TMTC3: variants seen among roughly 807,000 people sequenced by gnomAD.
The protein encoded by TMTC3 is transmembrane O-mannosyltransferase targeting cadherins 3.
Under a neutral mutation model 92.2 loss-of-function variants are expected in TMTC3, and 52 were observed. The ratio of observed to expected loss-of-function variants is 0.56; its 90% confidence interval spans 0.45 to 0.71. The LOEUF (loss-of-function observed/expected upper bound fraction) is 0.71, where lower values mean the gene tolerates loss of function less well. Among genes scored for constraint, TMTC3 ranks in the 30% least tolerant of loss-of-function variants. The pLI, the probability that TMTC3 is intolerant of heterozygous loss-of-function variation, is 0.00. For synonymous variants in TMTC3, 339 were observed against 363.3 expected (o/e 0.93, Z 0.76); for missense variants, 896 against 1,057.1 (o/e 0.85, Z 2.11).
intron 13 of TMTC3, among the ~76,000 whole-genome samples, chr12:88,193,582 C>T (rs2041468129): frequency 6.6e-6 from 1 of 152,054 alleles, no homozygotes; most frequent in South Asian, 2.1e-4. Context: ...TTGCATTTGC[C>T]AGTCTTCTAT....
At chr12:88,190,326 G>A (rs1276913804) in intron 11 of TMTC3, 127 bp from the exon 12 acceptor site, 13 of 754,270 alleles carry the variant, frequency 1.7e-5, no homozygotes, top group Non-Finnish European at 2.5e-5. Flanking sequence ...GTAGAACCCT[G>A]ATCTCTCAGT....
chr12:88,146,624 T>C (rs985659273), intron 1 of TMTC3, among the ~76,000 whole-genome samples: 14 of 149,638 alleles, frequency 9.4e-5, no homozygotes, highest in Admixed American at 2.0e-4. Context: ...TATATATATA[T>C]ACATATATAT....
At chr12:88,159,339 A>G (rs1486463096) in intron 4 of TMTC3, among the ~76,000 whole-genome samples, 1 of 152,164 alleles carries the variant, frequency 6.6e-6, no homozygotes, top group Non-Finnish European at 1.5e-5. Flanking sequence ...GAAGAATAGT[A>G]TTTATTTAAG....
intron 6 of TMTC3, among the ~76,000 whole-genome samples, chr12:88,163,250 C>A (rs1487601391): frequency 6.6e-6 from 1 of 152,100 alleles, no homozygotes; most frequent in Non-Finnish European, 1.5e-5. Context: ...TGTGGGACCA[C>A]AATAGCATTT....
rs1340593895 is a variant in TMTC3 at position 88,148,385 on chromosome 12, C to G, written c.70C>G (p.Leu24Val). Residue 24 changes from leucine (L) to valine (V), a missense_variant, in exon 2 of 14, where the codon CTC becomes GTC. Transcript: ENST00000266712. ...GVVTACYWNS[L>V]FCGFVFDDVS... ...GGTTACTGCCTGCTATTGGAACAGCCTCTTTTGTGGTTTTGTTTTTGATGA... is the reference window on the plus strand; with the variant it reads ...GGTTACTGCCTGCTATTGGAACAGCGTCTTTTGTGGTTTTGTTTTTGATGA... 4 of 1,613,504 alleles carry G rather than the reference C, an allele frequency of 2.5e-6. No individual in the cohort carries two copies. The highest frequency in any genetic ancestry group is 3.4e-6 in the Non-Finnish European group (4 of 1,179,700).
At chr12:88,175,691 A>G (rs974844397) in intron 9 of TMTC3, among the ~76,000 whole-genome samples, 1 of 152,196 alleles carries the variant, frequency 6.6e-6, no homozygotes, top group Admixed American at 6.5e-5. Flanking sequence ...CTATAGCCAC[A>G]ACGACTGCAA....
rs140803138 is a variant in TMTC3 at position 88,148,374 on chromosome 12, A to G, written c.59A>G (p.Tyr20Cys). ...TLIVGVVTAC[Y>C]WNSLFCGFVF... ...ATAGTAGGTGTGGTTACTGCCTGCT[A>G]TTGGAACAGCCTCTTTTGTGGTTTT... Residue 20 changes from tyrosine to cysteine, a missense_variant, in exon 2 of 14, where the codon TAT becomes TGT. Transcript: ENST00000266712. 4.1e-4 allele frequency: 665 copies of G among 1,613,640 alleles called. No individual in the cohort carries two copies. Among genetic ancestry groups the G allele is most frequent in the Non-Finnish European group, 5.5e-4 (644 of 1,179,716 alleles).
intron 8 of TMTC3, 23 bp downstream of exon 8, chr12:88,172,768 G>A: frequency 6.3e-7 from 1 of 1,583,034 alleles, no homozygotes; most frequent in Non-Finnish European, 8.6e-7. Flanking sequence ...GTCAGTTCAT[G>A]TAATGCTTAC....
chr12:88,171,374 T>A (rs957173354), intron 7 of TMTC3, among the ~76,000 whole-genome samples: 4 of 152,070 alleles, frequency 2.6e-5, no homozygotes, highest in Admixed American at 2.6e-4. Context: ...ACCTTCTCCC[T>A]CCAACCCTGG....
intron 10 of TMTC3, 22 bp from the exon 11 acceptor site, chr12:88,188,821 A>G: frequency 6.2e-6 from 8 of 1,295,784 alleles, no homozygotes; most frequent in Non-Finnish European, 8.8e-6. Context: ...CTTGCCAACA[A>G]ATGATTGTTT....
chr12:88,187,193 C>G (rs1224943411), intron 10 of TMTC3, among the ~76,000 whole-genome samples: 5 of 146,392 alleles, frequency 3.4e-5, no homozygotes, highest in Non-Finnish European at 6.0e-5. Flanking sequence ...GATATAAAAG[C>G]AAAGACTACC....
intron 4 of TMTC3, among the ~76,000 whole-genome samples, chr12:88,157,851 A>G (rs150195040): frequency 3.3e-5 from 5 of 152,178 alleles, no homozygotes; most frequent in Non-Finnish European, 7.4e-5. Context: ...ATAGTAATAT[A>G]GTCACTAGAG....
chr12:88,185,825 G>C (rs185048228), intron 10 of TMTC3, among the ~76,000 whole-genome samples: 2 of 151,940 alleles, frequency 1.3e-5, no homozygotes, highest in Admixed American at 6.6e-5. Flanking sequence ...TTTTTTGTCT[G>C]TTAATACAGT....
chr12:88,166,479 T>C lies in TMTC3; in HGVS notation c.947T>C (p.Leu316Pro). 6.2e-7 allele frequency: 1 copy of C among 1,613,982 alleles called. No homozygotes were observed. The change falls in exon 7 of 14, where the codon CTA (leucine) becomes CCA (proline). Residue 316 changes from leucine (L) to proline (P), a missense_variant. Leu to Pro is a moderately conservative substitution (Grantham distance 98). Transcript: ENST00000266712. ...ACAATACCACTTATAGAGTCATTAC[T>C]AGATATTCGAAATCTGGCCACATTT... ...MGTIPLIESL[L>P]DIRNLATFTF...
chr12:88,147,712 T>G (rs958807728), intron 1 of TMTC3, among the ~76,000 whole-genome samples: 1 of 152,064 alleles, frequency 6.6e-6, no homozygotes, highest in Non-Finnish European at 1.5e-5. Flanking sequence ...CATTACTCCT[T>G]TTTTATTTTG....
chr12:88,189,387 C>T (rs1470122330), intron 11 of TMTC3, among the ~76,000 whole-genome samples: 2 of 151,990 alleles, frequency 1.3e-5, no homozygotes, highest in African/African-American at 2.4e-5. Flanking sequence ...CCACTGCGCC[C>T]GGCCGTAGCT....
At chr12:88,172,875 C>G in intron 8 of TMTC3, 130 bp downstream of exon 8, 1 of 1,499,210 alleles carries the variant, frequency 6.7e-7, no homozygotes, top group African/African-American at 1.4e-5. Flanking sequence ...TCCATAGTCT[C>G]CTCATTTGTC....
Position 88,195,750 on chromosome 12 carries a change from G to C in TMTC3, c.*101G>C, listed in dbSNP as rs997836133. On this transcript the variant is annotated 3_prime_UTR_variant, in exon 14 of 14. Coordinates refer to ENST00000266712, the MANE Select transcript of TMTC3 (RefSeq NM_181783.4). ...AAAAAAAGTTCAAGGGTTCCTAATGGTCAATCATGAGCTGCCTTGAAGTAG... is the reference window on the plus strand; with the variant it reads ...AAAAAAAGTTCAAGGGTTCCTAATGCTCAATCATGAGCTGCCTTGAAGTAG... 22 of 946,260 alleles carry C rather than the reference G, an allele frequency of 2.3e-5. No homozygotes were observed. The Admixed American group carries it at 4.9e-4, about 21-fold the overall frequency. The allele number at this position is 946,260 out of a possible 1,614,324, so 58.6% of individuals were successfully genotyped here.
In TMTC3 at chr12:88,198,321, A is replaced by G. The variant is rs78376175; in HGVS notation, c.*2672A>G. 3 of 397,846 alleles carry G rather than the reference A, an allele frequency of 7.5e-6. No homozygotes were observed. Among genetic ancestry groups the G allele is most frequent in the Non-Finnish European group, 1.3e-5 (3 of 225,636 alleles). The allele number at this position is 397,846 out of a possible 1,614,324, so 24.6% of individuals were successfully genotyped here. A position where few individuals can be genotyped will look rare whatever the true frequency, so the allele number is the denominator to read the frequency against. Reference sequence around the variant, plus strand: ...GATCATATGGAAGTTTGGAAAAGAGAGCTTATCACAGGTTTGTATGCTGGT... The same window carrying G: ...GATCATATGGAAGTTTGGAAAAGAGGGCTTATCACAGGTTTGTATGCTGGT... On this transcript the variant is annotated 3_prime_UTR_variant, in exon 14 of 14. Transcript: ENST00000266712.
Sources: gnomAD v4.1 joint callset for allele counts (sites outside exome capture counted in the v4.1 genomes callset) on GRCh38, gnomAD v4.1.1 for gene constraint, MANE v1.5 for transcripts, NCBI Gene and HGNC (gene_info 2026-07-23, HGNC 2026-07-21) for gene names.